Variants in HECW2 observed in about 807,000 individuals in gnomAD.
HECW2 encodes the protein E3 ubiquitin-protein ligase HECW2.
HECW2 carries 61 observed loss-of-function variants against 175.2 expected under a neutral mutation model. That is an observed-to-expected ratio of 0.35 (90% confidence interval 0.28 to 0.43). The LOEUF is 0.43. Among genes scored for constraint, HECW2 ranks in the 20% least tolerant of loss-of-function variants. The probability of loss-of-function intolerance (pLI) is 1.00; values close to 1 mark genes in which losing one functional copy is unlikely to be tolerated. For missense variants in HECW2, 1,524 were observed against 2,000.5 expected (o/e 0.76, Z 4.54); for synonymous variants, 671 against 731.0 (o/e 0.92, Z 1.32).
chr2:196,413,779 C>T (rs1695179622), intron 2 of HECW2, among the ~76,000 whole-genome samples: 1 of 152,170 alleles, frequency 6.6e-6, no homozygotes, highest in African/African-American at 2.4e-5. Context: ...CTGCTCTTTT[C>T]CACTCTCTAA....
intron 2 of HECW2, among the ~76,000 whole-genome samples, chr2:196,358,065 C>T (rs1364276499): frequency 6.6e-6 from 1 of 152,176 alleles, no homozygotes; most frequent in Non-Finnish European, 1.5e-5. Context: ...TATTGCCAGG[C>T]TGCCACTGCT....
Position 196,319,903 on chromosome 2 carries a change from A to C in HECW2, c.987T>G (p.Asp329Glu). 1.3e-6 allele frequency: 2 copies of C among 1,581,372 alleles called. No individual in the cohort carries two copies. The highest frequency in any genetic ancestry group is 1.7e-6 in the Non-Finnish European group (2 of 1,161,392). ...TTGTGCCAACAGCTTCTGGAGAGGC[A>C]TCTGAATGAGAAAACAGCATTTCTA... Reference protein sequence around the residue: ...KVEVTSSVHEDASPEAVGTIL... With the variant: ...KVEVTSSVHEEASPEAVGTIL... Residue 329 changes from aspartate (D) to glutamate (E), a missense_variant and splice_region_variant, in exon 9 of 29, where the codon GAT (aspartate) becomes GAG (glutamate). Transcript: ENST00000644978.
At chr2:196,570,470 A>G (rs1252571287) in intron 1 of HECW2, among the ~76,000 whole-genome samples, 1 of 152,146 alleles carries the variant, frequency 6.6e-6, no homozygotes, top group Non-Finnish European at 1.5e-5. Context: ...CAAACACTGC[A>G]TGTTCTCACT....
intron 1 of HECW2, among the ~76,000 whole-genome samples, chr2:196,460,917 C>T (rs558751551): frequency 6.6e-5 from 10 of 151,120 alleles, no homozygotes; most frequent in African/African-American, 2.4e-4. Flanking sequence ...GAGCCACCAT[C>T]TCCAGCCTAA....
intron 1 of HECW2, among the ~76,000 whole-genome samples, chr2:196,495,931 A>G (rs1687377488): frequency 6.6e-6 from 1 of 152,222 alleles, no homozygotes; most frequent in Non-Finnish European, 1.5e-5. Flanking sequence ...GGTTAAAAAA[A>G]GCAAAGAAGA....
intron 2 of HECW2, among the ~76,000 whole-genome samples, chr2:196,384,756 C>G (rs1559080194): frequency 6.6e-6 from 1 of 152,146 alleles, no homozygotes; most frequent in Non-Finnish European, 1.5e-5. Context: ...AACAGAAACA[C>G]TAGGCTGCCA....
intron 14 of HECW2, among the ~76,000 whole-genome samples, chr2:196,282,198 A>ATT (rs1690214086): frequency 2.0e-5 from 3 of 152,224 alleles, no homozygotes; most frequent in African/African-American, 7.2e-5. Flanking sequence ...TCTGACCAGT[A>ATT]AGATGTAAAA....
At chr2:196,323,468 C>T (rs1196066927) in intron 6 of HECW2, among the ~76,000 whole-genome samples, 4 of 152,222 alleles carry the variant, frequency 2.6e-5, no homozygotes, top group African/African-American at 9.6e-5. Context: ...ATCCATGCAA[C>T]TATAGTGATG....
chr2:196,229,947 T>C (rs1262462295), intron 21 of HECW2, among the ~76,000 whole-genome samples: 3 of 152,306 alleles, frequency 2.0e-5, no homozygotes, highest in South Asian at 4.1e-4. Context: ...AGTCAGTCTT[T>C]GTAGTAGCTA....
intron 1 of HECW2, among the ~76,000 whole-genome samples, chr2:196,532,718 A>G (rs1399928554): frequency 6.6e-6 from 1 of 152,238 alleles, no homozygotes; most frequent in Non-Finnish European, 1.5e-5. Flanking sequence ...CACACTGGCT[A>G]CAATGACCTC....
intron 17 of HECW2, among the ~76,000 whole-genome samples, chr2:196,258,397 A>C (rs1341565372): frequency 4.6e-5 from 7 of 152,194 alleles, no homozygotes; most frequent in African/African-American, 1.7e-4. Context: ...TTATATATTC[A>C]GTGTAAAAGC....
Position 196,228,182 on chromosome 2 carries a change from G to C in HECW2, c.3837C>G (p.Gly1279=), listed in dbSNP as rs760712473. 4 of 1,612,654 alleles carry C rather than the reference G, an allele frequency of 2.5e-6. No homozygotes were observed. In the African/African-American group the frequency reaches 5.3e-5, roughly 22 times the overall value. Residue 1279 remains glycine (G), a synonymous_variant, in exon 22 of 29, where the codon GGC becomes GGG. Coordinates refer to ENST00000644978, the MANE Select transcript of HECW2 (RefSeq NM_001348768.2). ...VSRELFNPYY[G]LFEYSANDTY... ...TGTCATTGGCTGAATATTCAAATAA[G>C]CCATAATATGGGTTAAAGAGTTCTC...
chr2:196,565,578 A>C (rs1459052004), intron 1 of HECW2, among the ~76,000 whole-genome samples: 1 of 152,202 alleles, frequency 6.6e-6, no homozygotes, highest in Non-Finnish European at 1.5e-5. Context: ...CCAATTTCAC[A>C]AAACTAGTGA....
In HECW2 at chr2:196,501,751, G is replaced by A. The variant is rs140764024; in HGVS notation, c.-35-68293C>T. On this transcript the variant is annotated intron_variant, in intron 1 of 28. Transcript: ENST00000644978. ...ATAGATCAAAACATAAAGTGACTTA[G>A]GCTTACTTCTAATTAAATTTTAGAA... is the stretch of plus-strand genomic sequence containing the variant. Among the ~76,000 whole-genome samples, 13 of 152,134 alleles carry A rather than the reference G, an allele frequency of 8.5e-5. No homozygotes were observed. In the East Asian group the frequency reaches 2.1e-3, roughly 25 times the overall value.
At chr2:196,301,325 C>A (rs1216997826) in intron 13 of HECW2, among the ~76,000 whole-genome samples, 1 of 152,006 alleles carries the variant, frequency 6.6e-6, no homozygotes, top group African/African-American at 2.4e-5. Context: ...GTGAATAGTG[C>A]CGCAATGAAC....
intron 1 of HECW2, among the ~76,000 whole-genome samples, chr2:196,578,511 C>T (rs10182497): frequency 0.048 from 7,251 of 152,130 alleles, 565 homozygotes; most frequent in African/African-American, 0.16. Context: ...ATCCAGGAGG[C>T]TCAAACAAAC....
At chr2:196,323,045 C>T (rs1283946123) in intron 6 of HECW2, among the ~76,000 whole-genome samples, 1 of 152,164 alleles carries the variant, frequency 6.6e-6, no homozygotes, top group Non-Finnish European at 1.5e-5. Context: ...TCATGAAATT[C>T]TGAAGTTGCA....
At chr2:196,214,645 C>G (rs1288664748) in intron 28 of HECW2, among the ~76,000 whole-genome samples, 1 of 152,198 alleles carries the variant, frequency 6.6e-6, no homozygotes, top group African/African-American at 2.4e-5. Context: ...TCTGGATGCA[C>G]AGCCTGTTCA....
Position 196,201,022 on chromosome 2 carries a change from GAA to G in HECW2, c.*253_*254del, listed in dbSNP as rs1283727560. Reference sequence around the variant, plus strand: ...TCTTTGTCTTGGAACATAACAAATGGAAAAAGTTTGGCAGTCAAGAACTGTTG... The same window carrying G: ...TCTTTGTCTTGGAACATAACAAATGGAAAGTTTGGCAGTCAAGAACTGTTG... On this transcript the variant is annotated 3_prime_UTR_variant, in exon 29 of 29. Transcript: ENST00000644978. 1 of 378,484 alleles carries G rather than the reference GAA, an allele frequency of 2.6e-6. No homozygotes were observed. The highest frequency in any genetic ancestry group is 5.0e-6 in the Non-Finnish European group (1 of 199,980). 23.4% of individuals were successfully genotyped at this position (378,484 alleles called of 1,614,324 possible).
Sources: gnomAD v4.1 joint callset for allele counts (sites outside exome capture counted in the v4.1 genomes callset) on GRCh38, gnomAD v4.1.1 for gene constraint, MANE v1.5 for transcripts, NCBI Gene and HGNC (gene_info 2026-07-23, HGNC 2026-07-21) for gene names.